Variants in PLK5 observed in about 807,000 individuals in gnomAD.
PLK5 encodes inactive serine/threonine-protein kinase PLK5.
A neutral mutation model predicts 33.7 loss-of-function variants in PLK5; 28 were observed. That is an observed-to-expected ratio of 0.83 (90% CI 0.62 to 1.14). The LOEUF (loss-of-function observed/expected upper bound fraction) is 1.14. Ranked by LOEUF, PLK5 falls within the 50% of genes most tolerant of loss-of-function variation. The pLI is 0.00. For missense variants in PLK5, 492 were observed against 461.5 expected, an observed-to-expected ratio of 1.07 and a Z score of -0.61; for synonymous variants, 225 against 202.2, an observed-to-expected ratio of 1.11 and a Z score of -0.96.
chr19:1,527,581 G>A (rs1019744635), intron 6 of PLK5, among the ~76,000 whole-genome samples: 2 of 150,836 alleles, frequency 1.3e-5, no homozygotes, highest in African/African-American at 4.9e-5. Flanking sequence ...CAGCCTGGGT[G>A]ACAGAATGAG....
rs754567993 is a variant in PLK5, at chr19:1,529,481, G to A, written c.481G>A (p.Asp161Asn). 1 of 1,535,862 alleles carries A rather than the reference G, an allele frequency of 6.5e-7. No homozygotes were observed. Among genetic ancestry groups the A allele is most frequent in the East Asian group, 2.4e-5 (1 of 40,914 alleles). ...HLVAQGTLQS[D>N]LAGPEGSRRP... ...GGTCGCACAAGGGACCCTGCAGAGTGACCTGGCCGGTGAGCAGATCCCCGT... is the reference window on the plus strand; with the variant it reads ...GGTCGCACAAGGGACCCTGCAGAGTAACCTGGCCGGTGAGCAGATCCCCGT... Residue 161 changes from aspartate (D) to asparagine (N), a missense_variant, in exon 10 of 14, where the codon GAC becomes AAC. By Grantham distance (23) the Asp-to-Asn change is conservative. Transcript: ENST00000454744.
intron 6 of PLK5, 50 bp from the exon 7 acceptor site, chr19:1,527,886 G>T (rs894037252): frequency 8.0e-6 from 12 of 1,500,226 alleles, no homozygotes; most frequent in Middle Eastern, 1.7e-4. Context: ...TGCAGGGGTA[G>T]CTCTGAGCGA....
intron 12 of PLK5, among the ~76,000 whole-genome samples, chr19:1,532,550 T>G (rs1913963056): frequency 1.4e-5 from 2 of 142,126 alleles, no homozygotes; most frequent in Non-Finnish European, 3.0e-5. Flanking sequence ...TGAGATGGAG[T>G]CTCACTCTGT....
intron 10 of PLK5, 57 bp downstream of exon 10, chr19:1,529,547 T>A: frequency 6.7e-7 from 1 of 1,499,532 alleles, no homozygotes. Flanking sequence ...GAATTACAAG[T>A]GACAGGGGGA....
chr19:1,529,686 T>G (rs1363894707), intron 10 of PLK5, 61 bp from the exon 11 acceptor site: 6 of 1,502,642 alleles, frequency 4.0e-6, no homozygotes, highest in Non-Finnish European at 5.4e-6. Flanking sequence ...GGGGGACTGG[T>G]TGGAAGAGCC....
intron 7 of PLK5, 36 bp downstream of exon 7, chr19:1,528,170 G>GGGGTCCCTGGCGTT: frequency 6.5e-7 from 1 of 1,531,366 alleles, no homozygotes; most frequent in East Asian, 2.5e-5. Flanking sequence ...TCCCTGGCGT[G>GGGGTCCCTGGCGTT]GGGTCCCTGG....
intron 12 of PLK5, among the ~76,000 whole-genome samples, chr19:1,532,984 A>G (rs575848501): frequency 1.9e-4 from 29 of 150,710 alleles, no homozygotes; most frequent in Non-Finnish European, 3.6e-4. Context: ...TTTTTTTTAA[A>G]TTAGCCAACT....
intron 9 of PLK5, chr19:1,529,182 C>T (rs907479594): frequency 1.4e-5 from 9 of 645,612 alleles, no homozygotes; most frequent in East Asian, 1.1e-4. Flanking sequence ...GGGCCGGGCT[C>T]GAGGCCATGG....
rs897008788 is a variant in PLK5, at chr19:1,528,355, C to T, written c.255C>T (p.Phe85=). The change falls in exon 8 of 14, where the codon TTC becomes TTT. Residue 85 remains phenylalanine (F), a synonymous_variant. Transcript: ENST00000454744. ...PAHSCHSPPI[F]AIPPPLGRIF... ...ACTCCTGCCACAGTCCCCCCATCTT[C>T]GCCATACCCCCGCCTCTGGGCAGGA... The T allele has an allele frequency of 8.5e-6, 13 of 1,535,624 alleles. No individual in the cohort carries two copies. The highest frequency in any genetic ancestry group is 2.4e-5 in the East Asian group (1 of 40,910).
chr19:1,527,890 T>C, intron 6 of PLK5, 46 bp from the exon 7 acceptor site: 1 of 1,507,316 alleles, frequency 6.6e-7, no homozygotes, highest in Non-Finnish European at 8.9e-7. Context: ...GGGGTAGCTC[T>C]GAGCGATGCC....
chr19:1,530,303 C>T (rs1053971703), intron 11 of PLK5, among the ~76,000 whole-genome samples: 36 of 151,310 alleles, frequency 2.4e-4, no homozygotes, highest in Admixed American at 1.9e-3. Context: ...CCTTTTCTTT[C>T]TTTTTTTTTA....
Position 1,528,938 on chromosome 19 carries a change from T to C in PLK5, c.369T>C (p.Gly123=), listed in dbSNP as rs1022268389. 1.8e-5 allele frequency: 28 copies of C among 1,520,338 alleles called. No homozygotes were observed. The highest frequency in any genetic ancestry group is 2.4e-5 in the Non-Finnish European group (27 of 1,139,638). 94.2% of individuals were successfully genotyped at this position (1,520,338 alleles called of 1,614,324 possible). Residue 123 remains glycine (G), a synonymous_variant, in exon 9 of 14, where the codon GGT becomes GGC. Transcript: ENST00000454744. ...AAGAGGCCTCGGGTCCAGGAGAAGGTGGGCCAGACCCTGACTCCATGGAGT... is the reference window on the plus strand; with the variant it reads ...AAGAGGCCTCGGGTCCAGGAGAAGGCGGGCCAGACCCTGACTCCATGGAGT... The part of the protein sequence containing the change: ...TPKEASGPGE[G]GPDPDSMEWD...
rs1913748325 is a variant in PLK5 at position 1,526,599 on chromosome 19, C to T, written c.-199C>T. On this transcript the variant is annotated 5_prime_UTR_variant, in exon 4 of 14. Transcript: ENST00000454744. ...ACCTGCACCAGCGGTGCATCCTGCA[C>T]CGCGACCTGAAGCTCAGTGAGTGCC... 3.0e-6 allele frequency: 1 copy of T among 338,668 alleles called. No homozygotes were observed. Among genetic ancestry groups the T allele is most frequent in the Non-Finnish European group, 5.7e-6 (1 of 175,150 alleles). The allele number at this position is 338,668 out of a possible 1,614,324, so 21.0% of individuals were successfully genotyped here.
At chr19:1,534,173 AGGT>A in intron 13 of PLK5, 132 bp downstream of exon 13, 4 of 676,660 alleles carry the variant, frequency 5.9e-6, no homozygotes, top group Non-Finnish European at 9.7e-6. Context: ...AAAAAAAAAA[AGGT>A]ATTGGCTCCT....
chr19:1,531,687 T>G, intron 11 of PLK5, 51 bp from the exon 12 acceptor site: 1 of 1,526,074 alleles, frequency 6.6e-7, no homozygotes, highest in African/African-American at 1.4e-5. Flanking sequence ...GAGTGCCTAC[T>G]ATATGCCTGA....
At position 1,535,070 on chromosome 19, in the gene PLK5, C is replaced by T. The variant is rs1436548167; in HGVS notation, c.831C>T (p.Ser277=). The stretch of plus-strand genomic sequence containing the variant: ...TGGTATCTTACCCTTTGCAGGTGAG[C>T]TTCAGTGGAGTCCCGGCCCAACTGG... The part of the protein sequence containing the change: ...LLFSNGMVQV[S]FSGVPAQLVL... Residue 277 remains serine, a synonymous_variant, in exon 14 of 14, where the codon AGC becomes AGT. Transcript: ENST00000454744. 1 of 1,528,122 alleles carries T rather than the reference C, an allele frequency of 6.5e-7. No individual in the cohort carries two copies. Among genetic ancestry groups the T allele is most frequent in the Admixed American group, 2.0e-5 (1 of 48,992 alleles). The allele number at this position is 1,528,122 out of a possible 1,614,324, so 94.7% of individuals were successfully genotyped here. A position where few individuals can be genotyped will look rare whatever the true frequency, so the allele number is the denominator to read the frequency against.
In PLK5 at chr19:1,535,570, A is replaced by G; in HGVS notation, c.*320A>G. ...TTTCTCTTAGTGGCAGAGGTGGGTT[A>G]CATTTTCACTAATGCAGACATTAGC... On this transcript the variant is annotated 3_prime_UTR_variant, in exon 14 of 14. Transcript: ENST00000454744. 1 of 356,062 alleles carries G rather than the reference A, an allele frequency of 2.8e-6. No homozygotes were observed. Among genetic ancestry groups the G allele is most frequent in the South Asian group, 3.5e-5 (1 of 28,606 alleles). 22.1% of individuals were successfully genotyped at this position (356,062 alleles called of 1,614,324 possible). A position where few individuals can be genotyped will look rare whatever the true frequency, so the allele number is the denominator to read the frequency against.
rs997239884 is a variant in PLK5, at chr19:1,531,800, T to C, written c.631T>C (p.Ser211Pro). Residue 211 changes from serine to proline, a missense_variant, in exon 12 of 14, where the codon TCC (serine) becomes CCC (proline). Ser to Pro is a moderately conservative substitution (Grantham distance 74). Transcript: ENST00000454744. ...CTGGGCCCCCAAATGGGTGGATTAT[T>C]CCAGCAAATACGGCTTTGGCTACCA... ...ILWAPKWVDY[S>P]SKYGFGYQLL... 6.5e-7 allele frequency: 1 copy of C among 1,535,440 alleles called. No individual in the cohort carries two copies. The highest frequency in any genetic ancestry group is 2.0e-5 in the Admixed American group (1 of 50,904).
At chr19:1,533,870 G>A in intron 12 of PLK5, 61 bp from the exon 13 acceptor site, 3 of 1,332,548 alleles carry the variant, frequency 2.3e-6, no homozygotes, top group Non-Finnish European at 2.1e-6. Flanking sequence ...GGTGCTGGGT[G>A]TGGGGGCGAG....
Sources: allele counts gnomAD v4.1 joint callset (sites outside exome capture counted in the v4.1 genomes callset), GRCh38; gene constraint gnomAD v4.1.1; transcripts MANE v1.5; gene names NCBI Gene and HGNC (gene_info 2026-07-23, HGNC 2026-07-21).